Variants in ZC3H14 observed in about 807,000 individuals in gnomAD.
The protein encoded by ZC3H14 is zinc finger CCCH-type containing 14.
A neutral mutation model predicts 92.4 loss-of-function variants in ZC3H14; 31 were observed. The observed-to-expected ratio is 0.34, with a 90% CI of 0.25 to 0.45. ZC3H14 has a LOEUF of 0.45. Ranked by LOEUF, ZC3H14 falls within the 20% of genes least tolerant of loss-of-function variation. The pLI is 1.00. For missense variants in ZC3H14, 781 were observed against 897.3 expected, an observed-to-expected ratio of 0.87 and a Z score of 1.66; for synonymous variants, 321 against 300.9, an observed-to-expected ratio of 1.07 and a Z score of -0.69.
Position 88,568,075 on chromosome 14 carries a change from C to G in ZC3H14, c.116C>G (p.Ala39Gly). ...ELPDYIMVMV[A>G]NKKSQDQMTE... ...CCTGATTACATTATGGTGATGGTGG[C>G]CAACAAGAAAAGTCAGGACCAAATG... Residue 39 changes from alanine (A) to glycine (G), a missense_variant, in exon 3 of 17, where the codon GCC becomes GGC. By Grantham distance (60) the Ala-to-Gly change is moderately conservative. This residue lies in a region of ZC3H14 where 106 missense variants were observed against 154.2 expected (regional missense o/e 0.69). Transcript: ENST00000251038. 1.2e-6 allele frequency: 2 copies of G among 1,614,082 alleles called. No individual in the cohort carries two copies. The highest frequency in any genetic ancestry group is 1.7e-6 in the Non-Finnish European group (2 of 1,179,982).
rs1475079913 is a variant in ZC3H14 at position 88,567,389 on chromosome 14, A to G, written c.80-650A>G. ...CTTGGCCTCCCAAAGTGCTGGGATT[A>G]CAGGCATGAGCCACCGCGCCTGGCC... is the stretch of plus-strand genomic sequence containing the variant. On this transcript the variant is annotated intron_variant, in intron 2 of 16. Transcript: ENST00000251038. 3.4e-5 allele frequency among the ~76,000 whole-genome samples: 5 copies of G among 149,010 alleles called. No individual in the cohort carries two copies. In the East Asian group the frequency reaches 9.9e-4, roughly 29 times the overall value.
intron 9 of ZC3H14, among the ~76,000 whole-genome samples, chr14:88,579,410 A>T (rs1374407653): frequency 6.6e-6 from 1 of 152,158 alleles, no homozygotes; most frequent in Admixed American, 6.5e-5. Flanking sequence ...GCTGAAACTG[A>T]GGAGGGATTT....
At position 88,617,150 on chromosome 14, in the gene ZC3H14, CT is replaced by C. The variant is rs1358683137; in HGVS notation, c.*5412del. 0.027 allele frequency: 4,891 copies of C among 183,684 alleles called. No homozygotes were observed. Among genetic ancestry groups the C allele is most frequent in the South Asian group, 0.052 (342 of 6,576 alleles). The allele number at this position is 183,684 out of a possible 1,614,324, so 11.4% of individuals were successfully genotyped here. A position where few individuals can be genotyped will look rare whatever the true frequency, so the allele number is the denominator to read the frequency against. ...ATGAAAACTGATAGAACTATTTTTT[CT>C]TTTTTTTTTTTTGAGACGGAGTTTT... On this transcript the variant is annotated 3_prime_UTR_variant, in exon 17 of 17. Coordinates refer to ENST00000251038, the MANE Select transcript of ZC3H14 (RefSeq NM_024824.5).
chr14:88,570,767 T>A (rs956083050), intron 3 of ZC3H14, among the ~76,000 whole-genome samples: 4 of 152,186 alleles, frequency 2.6e-5, no homozygotes, highest in African/African-American at 7.2e-5. Flanking sequence ...AAGCCCTTTT[T>A]TAAAAATGTG....
Position 88,615,765 on chromosome 14 carries a change from C to A in ZC3H14, c.*4014C>A. 1 of 1,579,040 alleles carries A rather than the reference C, an allele frequency of 6.3e-7. No homozygotes were observed. Among genetic ancestry groups the A allele is most frequent in the South Asian group, 1.2e-5 (1 of 85,150 alleles). ...CATGCAGGGTTGGGTTTTGGTTTTT[C>A]TTCTCTGTAATTCTGGTCTCAAAGT... On this transcript the variant is annotated 3_prime_UTR_variant, in exon 17 of 17. Transcript: ENST00000251038.
At chr14:88,595,572 C>T (rs572520642) in intron 9 of ZC3H14, among the ~76,000 whole-genome samples, 10 of 152,264 alleles carry the variant, frequency 6.6e-5, no homozygotes, top group Admixed American at 3.3e-4. Flanking sequence ...GTTACAGTTC[C>T]TCAGAATGTG....
Position 88,616,574 on chromosome 14 carries a change from A to G in ZC3H14, c.*4823A>G, listed in dbSNP as rs1373709277. On this transcript the variant is annotated 3_prime_UTR_variant, in exon 17 of 17. Transcript: ENST00000251038. The stretch of plus-strand genomic sequence containing the variant: ...ACTCGAGGGAGAGGATTTGTTTCTA[A>G]TAGCTTTTATTTCAAAGTAAATAGA... 4 of 785,626 alleles carry G rather than the reference A, an allele frequency of 5.1e-6. No individual in the cohort carries two copies. The highest frequency in any genetic ancestry group is 7.8e-6 in the Non-Finnish European group (4 of 509,652). The allele number at this position is 785,626 out of a possible 1,614,324, so 48.7% of individuals were successfully genotyped here.
intron 9 of ZC3H14, among the ~76,000 whole-genome samples, chr14:88,585,918 C>A (rs1468685522): frequency 6.6e-6 from 1 of 152,092 alleles, no homozygotes; most frequent in Admixed American, 6.5e-5. Flanking sequence ...CCTGTAATCC[C>A]AGCACTTTGG....
chr14:88,609,457 T>G (rs2086177885), intron 14 of ZC3H14, 54 bp downstream of exon 14: 2 of 1,612,200 alleles, frequency 1.2e-6, no homozygotes, highest in South Asian at 2.2e-5. Flanking sequence ...AATGGCATTT[T>G]GTGACTGTAA....
In ZC3H14 at chr14:88,616,991, T is replaced by C. The variant is rs1007235289; in HGVS notation, c.*5240T>C. The stretch of plus-strand genomic sequence containing the variant: ...AAGTACCCTATCATGTTACTTAAAA[T>C]ACAGGAAGTAAATTATGGTAAGTTG... On this transcript the variant is annotated 3_prime_UTR_variant, in exon 17 of 17. Transcript: ENST00000251038. The C allele has an allele frequency of 3.1e-5, 29 of 949,112 alleles. No individual in the cohort carries two copies. The African/African-American group carries it at 4.7e-4, about 15-fold the overall frequency. The allele number at this position is 949,112 out of a possible 1,614,324, so 58.8% of individuals were successfully genotyped here.
At position 88,568,626 on chromosome 14, in the gene ZC3H14, C is replaced by T. The variant is rs573685841; in HGVS notation, c.194+473C>T. Among the ~76,000 whole-genome samples the T allele has an allele frequency of 3.3e-5, 5 of 152,234 alleles. No homozygotes were observed. In the East Asian group the frequency reaches 9.7e-4, roughly 29 times the overall value. Reference sequence around the variant, plus strand: ...CCCTTGACAGGTGGGGATTACAATTCAATATAAGATTTGGGTGGGGACACA... The same window carrying T: ...CCCTTGACAGGTGGGGATTACAATTTAATATAAGATTTGGGTGGGGACACA... On this transcript the variant is annotated intron_variant, in intron 3 of 16. Transcript: ENST00000251038.
intron 8 of ZC3H14, among the ~76,000 whole-genome samples, chr14:88,576,530 T>A (rs1470086782): frequency 6.6e-6 from 1 of 152,256 alleles, no homozygotes; most frequent in Non-Finnish European, 1.5e-5. Flanking sequence ...AAGCTGGTCT[T>A]ACGGAAAGCT....
intron 9 of ZC3H14, chr14:88,594,547 A>T (rs2083549551): frequency 1.4e-6 from 2 of 1,446,054 alleles, no homozygotes; most frequent in South Asian, 1.5e-5. Context: ...AGAAATGTAC[A>T]ACCCCATCTT....
chr14:88,563,267 C>G, intron 1 of ZC3H14, 98 bp downstream of exon 1: 3 of 1,540,934 alleles, frequency 1.9e-6, no homozygotes, highest in South Asian at 1.2e-5. Flanking sequence ...ACGCCGCGGC[C>G]TGGCCTCCGC....
intron 13 of ZC3H14, 80 bp downstream of exon 13, chr14:88,607,443 A>G: frequency 5.7e-6 from 8 of 1,399,498 alleles, no homozygotes; most frequent in Non-Finnish European, 7.6e-6. Flanking sequence ...CCCCCATCTC[A>G]CCTGGCAAGT....
chr14:88,606,415 C>T (rs1000638643), intron 12 of ZC3H14, among the ~76,000 whole-genome samples: 15 of 152,142 alleles, frequency 9.9e-5, no homozygotes, highest in Admixed American at 5.9e-4. Context: ...AGGGGAACTG[C>T]CCAGTCTCTG....
intron 2 of ZC3H14, among the ~76,000 whole-genome samples, chr14:88,565,128 TA>T (rs901924955): frequency 7.2e-4 from 110 of 152,160 alleles, no homozygotes; most frequent in South Asian, 2.1e-3. Flanking sequence ...AATGGTGATT[TA>T]AAAAAAATTT....
Position 88,619,107 on chromosome 14 carries a change from T to C in ZC3H14, c.*7356T>C. On this transcript the variant is annotated 3_prime_UTR_variant, in exon 17 of 17. Transcript: ENST00000251038. ...TAGGCCAGGCCCAGTGGCTCACACC[T>C]ATAATCCCAGAACTTTGGGAAGCGG... The C allele has an allele frequency of 5.0e-6, 1 of 201,526 alleles. No homozygotes were observed. The allele number at this position is 201,526 out of a possible 1,614,324, so 12.5% of individuals were successfully genotyped here. A position where few individuals can be genotyped will look rare whatever the true frequency, so the allele number is the denominator to read the frequency against.
In ZC3H14 at chr14:88,625,264, G is replaced by C. The variant is rs1236804130; in HGVS notation, c.*13513G>C. On this transcript the variant is annotated 3_prime_UTR_variant, in exon 17 of 17. Transcript: ENST00000251038. ...TGCATCGTGTAGTGGCAGCAGCACT[G>C]AATTCACGAGTCAGGAAACCTGAAC... is the stretch of plus-strand genomic sequence containing the variant. The C allele has an allele frequency of 1.0e-6, 1 of 988,886 alleles. No individual in the cohort carries two copies. Among genetic ancestry groups the C allele is most frequent in the Non-Finnish European group, 1.4e-6 (1 of 697,520 alleles). The allele number at this position is 988,886 out of a possible 1,614,324, so 61.3% of individuals were successfully genotyped here.
Sources: gnomAD v4.1 joint callset for allele counts (sites outside exome capture counted in the v4.1 genomes callset) on GRCh38, gnomAD v4.1.1 for gene constraint, gnomAD v4.1.1 regional missense constraint, MANE v1.5 for transcripts, NCBI Gene and HGNC (gene_info 2026-07-23, HGNC 2026-07-21) for gene names.